TUBGCP3: variants seen among roughly 807,000 people sequenced by gnomAD.
The protein encoded by TUBGCP3 is gamma-tubulin complex component 3.
A neutral mutation model predicts 123.1 loss-of-function variants in TUBGCP3; 50 were observed. The observed-to-expected ratio is 0.41, with a 90% CI of 0.32 to 0.51. The LOEUF (loss-of-function observed/expected upper bound fraction) is 0.51, where lower values mean the gene tolerates loss of function less well. TUBGCP3 is among the 20% of genes least tolerant of loss of function. The pLI, the probability that TUBGCP3 is intolerant of heterozygous loss-of-function variation, is 0.36. For missense variants in TUBGCP3, 882 were observed against 1,127.0 expected (o/e 0.78, Z 3.11); for synonymous variants, 405 against 413.9 (o/e 0.98, Z 0.26).
At chr13:112,547,513 AAAGACG>A in intron 10 of TUBGCP3, 101 bp downstream of exon 10, 2 of 1,339,920 alleles carry the variant, frequency 1.5e-6, no homozygotes, top group African/African-American at 1.5e-5. Flanking sequence ...CGCGCGTGGG[AAAGACG>A]CGCGTGGGAA....
chr13:112,561,169 G>A (rs1008387672), intron 3 of TUBGCP3, among the ~76,000 whole-genome samples: 4 of 152,210 alleles, frequency 2.6e-5, no homozygotes, highest in Non-Finnish European at 4.4e-5. Context: ...ATGAGAGGAA[G>A]ACCGCTGTTA....
At chr13:112,495,594 G>A (rs1880480966) in intron 20 of TUBGCP3, among the ~76,000 whole-genome samples, 1 of 151,966 alleles carries the variant, frequency 6.6e-6, no homozygotes, top group Non-Finnish European at 1.5e-5. Context: ...TCTATTCTTG[G>A]AATAAGCTGA....
intron 5 of TUBGCP3, 26 bp from the exon 6 acceptor site, chr13:112,556,250 TC>T: frequency 6.3e-7 from 1 of 1,599,650 alleles, no homozygotes; most frequent in Non-Finnish European, 8.6e-7. Flanking sequence ...TGTATTATCT[TC>T]TAATAGGCTA....
At position 112,519,826 on chromosome 13, in the gene TUBGCP3, C is replaced by A. The variant is rs1876462143; in HGVS notation, c.1881+60G>T. 6.3e-7 allele frequency: 1 copy of A among 1,580,946 alleles called. No individual in the cohort carries two copies. Reference sequence around the variant, plus strand: ...AACATGGAAAACACTCGCTAGAACACCCCGGCCCAGTGGGTCCTCGGTGCC... The same window carrying A: ...AACATGGAAAACACTCGCTAGAACAACCCGGCCCAGTGGGTCCTCGGTGCC... On this transcript the variant is annotated intron_variant, in intron 15 of 21. Transcript: ENST00000261965. The surrounding 1 kb of genome is among the most constrained non-coding windows in gnomAD (Gnocchi z 6.2).
intron 21 of TUBGCP3, 96 bp downstream of exon 21, chr13:112,489,485 C>G (rs1177322667): frequency 2.3e-6 from 2 of 863,834 alleles, no homozygotes; most frequent in East Asian, 2.4e-5. Context: ...GTCAGACTGA[C>G]AGGGCTGACT....
upstream of TUBGCP3, among the ~76,000 whole-genome samples, chr13:112,592,730 C>T (rs1300094911): frequency 1.3e-5 from 2 of 152,154 alleles, no homozygotes; most frequent in East Asian, 1.9e-4. This position sits in a 1 kb window ranked among gnomAD's most constrained non-coding sequence, Gnocchi z 4.1. Context: ...CATGTGGTCT[C>T]GGAAGGGAGG....
intron 1 of TUBGCP3, among the ~76,000 whole-genome samples, chr13:112,571,594 A>C (rs1881399361): frequency 6.6e-6 from 1 of 152,230 alleles, no homozygotes; most frequent in Non-Finnish European, 1.5e-5. Context: ...CATTAGCCCC[A>C]GACAAGAGTC....
intron 11 of TUBGCP3, among the ~76,000 whole-genome samples, chr13:112,538,893 G>C (rs1436116648): frequency 6.6e-6 from 1 of 152,106 alleles, no homozygotes. Flanking sequence ...ATTACATAGT[G>C]ATCAAACACA....
At chr13:112,487,903 G>T (rs1048253485) in intron 21 of TUBGCP3, among the ~76,000 whole-genome samples, 1 of 151,984 alleles carries the variant, frequency 6.6e-6, no homozygotes, top group Non-Finnish European at 1.5e-5. Flanking sequence ...AAGCTGAGGC[G>T]GGTGGATCAC....
At position 112,504,180 on chromosome 13, in the gene TUBGCP3, T is replaced by G. The variant is rs201106975; in HGVS notation, c.2176-17A>C. The G allele has an allele frequency of 6.2e-7, 1 of 1,613,914 alleles. No homozygotes were observed. The highest frequency in any genetic ancestry group is 8.5e-7 in the Non-Finnish European group (1 of 1,179,992). Reference sequence around the variant, plus strand: ...TTCAAGCACCTGGGAAACAACAATTTAAAGACGCTAGATAAGCTCATGTCC... The same window carrying G: ...TTCAAGCACCTGGGAAACAACAATTGAAAGACGCTAGATAAGCTCATGTCC... On this transcript the variant is annotated splice_polypyrimidine_tract_variant and intron_variant, in intron 18 of 21. Coordinates refer to ENST00000261965, the MANE Select transcript of TUBGCP3 (RefSeq NM_006322.6).
At chr13:112,580,064 C>T (rs1161968932) in intron 1 of TUBGCP3, among the ~76,000 whole-genome samples, 1 of 152,162 alleles carries the variant, frequency 6.6e-6, no homozygotes, top group Non-Finnish European at 1.5e-5. Flanking sequence ...GTGAAAGAAA[C>T]AAGTCTCAAA....
At chr13:112,499,484 C>T (rs1202018673) in intron 19 of TUBGCP3, among the ~76,000 whole-genome samples, 1 of 152,128 alleles carries the variant, frequency 6.6e-6, no homozygotes, top group African/African-American at 2.4e-5. Flanking sequence ...CTCCAATCCT[C>T]ACAAGTTTAC....
In TUBGCP3 at chr13:112,526,990, TGG is replaced by T; in HGVS notation, c.1505_1506del (p.Pro502HisfsTer33). ...FLHQVCHDQTPTTKMIAVTKS... is the reference protein window; with the variant it reads ...FLHQVCHDQTXTTKMIAVTKS... Reference sequence around the variant, plus strand: ...TTGGTCACAGCTATCATCTTTGTAGTGGGAGTCTGATCATGACAAACTTGGTG... The same window carrying T: ...TTGGTCACAGCTATCATCTTTGTAGTGAGTCTGATCATGACAAACTTGGTG... On this transcript the variant is annotated frameshift_variant, in exon 13 of 22. Transcript: ENST00000261965. LOFTEE classifies it high-confidence loss of function. The T allele has an allele frequency of 6.2e-7, 1 of 1,614,194 alleles. No homozygotes were observed. The highest frequency in any genetic ancestry group is 8.5e-7 in the Non-Finnish European group (1 of 1,180,034).
In TUBGCP3 at chr13:112,547,668, G is replaced by T; in HGVS notation, c.1120C>A (p.Pro374Thr). Residue 374 changes from proline (P) to threonine (T), a missense_variant, in exon 10 of 22, where the codon CCC (proline) becomes ACC (threonine). Physicochemically the swap from Pro to Thr is conservative, Grantham distance 38. Transcript: ENST00000261965. ...GCAAGGGTCTTCAGTCGTATTTTGG[G>T]ATCATAGGTCCAAACCAGGAGGCGC... Reference protein sequence around the residue: ...LRRLLVWTYDPKIRLKTLAAL... With the variant: ...LRRLLVWTYDTKIRLKTLAAL... 3 of 1,585,982 alleles carry T rather than the reference G, an allele frequency of 1.9e-6. No individual in the cohort carries two copies. Among genetic ancestry groups the T allele is most frequent in the Non-Finnish European group, 2.6e-6 (3 of 1,163,566 alleles).
chr13:112,529,907 A>G (rs1416427948), intron 11 of TUBGCP3, among the ~76,000 whole-genome samples: 1 of 152,218 alleles, frequency 6.6e-6, no homozygotes, highest in Non-Finnish European at 1.5e-5. Flanking sequence ...ATTACATAGC[A>G]ATACAAAATT....
chr13:112,521,752 G>C, intron 14 of TUBGCP3: 1 of 985,392 alleles, frequency 1.0e-6, no homozygotes, highest in East Asian at 1.1e-4. Flanking sequence ...GTGGACCCCT[G>C]GGATGCTCAT....
intron 1 of TUBGCP3, among the ~76,000 whole-genome samples, chr13:112,580,043 C>T (rs1430179495): frequency 3.3e-5 from 5 of 152,094 alleles, no homozygotes; most frequent in African/African-American, 1.2e-4. Context: ...ATCTCAAACG[C>T]GTTATACTAA....
chr13:112,538,369 T>C (rs1594163853), intron 11 of TUBGCP3, among the ~76,000 whole-genome samples: 1 of 152,214 alleles, frequency 6.6e-6, no homozygotes, highest in Admixed American at 6.5e-5. Context: ...CCTAAATGTG[T>C]CTTGCTGTGG....
intron 14 of TUBGCP3, among the ~76,000 whole-genome samples, chr13:112,520,831 C>A (rs1876557076): frequency 6.6e-6 from 1 of 152,086 alleles, no homozygotes; most frequent in East Asian, 1.9e-4. Flanking sequence ...TCGGGGGTGA[C>A]CAAGTTAGGA....
Sources: gnomAD v4.1 joint callset for allele counts (sites outside exome capture counted in the v4.1 genomes callset) on GRCh38, gnomAD v4.1.1 for gene constraint, Gnocchi (gnomAD v3.1) non-coding constraint, MANE v1.5 for transcripts, NCBI Gene and HGNC (gene_info 2026-07-23, HGNC 2026-07-21) for gene names.